The following ROBO1 variants were observed in gnomAD, a reference collection of about 807,000 sequenced individuals.
The protein encoded by ROBO1 is roundabout homolog 1.
In ROBO1, 149 loss-of-function variants were observed where a neutral mutation model predicts 195.9. That is an observed-to-expected ratio of 0.76 (90% confidence interval 0.67 to 0.87). The LOEUF is 0.87. Ranked by LOEUF, ROBO1 falls within the 40% of genes least tolerant of loss-of-function variation. The pLI is 0.00. For missense variants in ROBO1, 1,933 were observed against 2,068.3 expected, an observed-to-expected ratio of 0.93 and a Z score of 1.27; for synonymous variants, 816 against 733.2, an observed-to-expected ratio of 1.11 and a Z score of -1.82.
At chr3:79,737,204 A>T (rs1406678626) in intron 1 of ROBO1, among the ~76,000 whole-genome samples, 3 of 152,196 alleles carry the variant, frequency 2.0e-5, no homozygotes, top group Admixed American at 2.0e-4. Flanking sequence ...CTTTGAAAGC[A>T]TATGTGAGAT....
intron 1 of ROBO1, among the ~76,000 whole-genome samples, chr3:79,658,974 G>T (rs897446978): frequency 9.9e-5 from 15 of 151,578 alleles, no homozygotes; most frequent in African/African-American, 3.6e-4. Context: ...TGACATCGTG[G>T]TTCACCCACC....
chr3:78,886,686 A>G (rs370263106), intron 4 of ROBO1, among the ~76,000 whole-genome samples: 2 of 152,128 alleles, frequency 1.3e-5, no homozygotes, highest in African/African-American at 4.8e-5. Context: ...TCAATAAATT[A>G]TTATTACATA....
intron 2 of ROBO1, among the ~76,000 whole-genome samples, chr3:79,212,148 G>T (rs1478183582): frequency 6.6e-6 from 1 of 152,142 alleles, no homozygotes; most frequent in Non-Finnish European, 1.5e-5. Flanking sequence ...TGGGCCAGGT[G>T]TTCCTTGCTC....
chr3:79,482,567 C>T (rs1162532983), intron 2 of ROBO1, among the ~76,000 whole-genome samples: 2 of 152,134 alleles, frequency 1.3e-5, no homozygotes, highest in African/African-American at 4.8e-5. Context: ...TCAATTAAAC[C>T]TCTTTCCTTT....
chr3:78,648,126 GA>G (rs1344960198), intron 19 of ROBO1, among the ~76,000 whole-genome samples: 1 of 150,582 alleles, frequency 6.6e-6, no homozygotes. Context: ...AAAAAAGAGA[GA>G]AAGAAGGAAA....
chr3:79,019,435 A>C, intron 3 of ROBO1: 1 of 986,164 alleles, frequency 1.0e-6, no homozygotes, highest in Non-Finnish European at 1.2e-6. Flanking sequence ...TTCTGCTCTC[A>C]CGCTGCCTCC....
intron 26 of ROBO1, among the ~76,000 whole-genome samples, 200 bp from the exon 27 acceptor site, chr3:78,618,241 G>A (rs1442018887): frequency 2.0e-5 from 3 of 152,096 alleles, no homozygotes; most frequent in South Asian, 2.1e-4. Context: ...AGGCTCCACC[G>A]GGTTACTTTC....
chr3:78,792,759 C>T (rs1281798478), intron 4 of ROBO1, among the ~76,000 whole-genome samples: 1 of 151,902 alleles, frequency 6.6e-6, no homozygotes, highest in Non-Finnish European at 1.5e-5. Context: ...ATATTTAATC[C>T]TTATAATCAC....
At chr3:79,051,843 C>T (rs1323577363) in intron 3 of ROBO1, among the ~76,000 whole-genome samples, 1 of 152,124 alleles carries the variant, frequency 6.6e-6, no homozygotes, top group Non-Finnish European at 1.5e-5. Context: ...GGACACTGAT[C>T]ACTTCCCCAA....
At chr3:78,756,239 T>C (rs966286704) in intron 4 of ROBO1, among the ~76,000 whole-genome samples, 1 of 152,154 alleles carries the variant, frequency 6.6e-6, no homozygotes, top group African/African-American at 2.4e-5. Context: ...TCAGTTATTT[T>C]GATTGGAAAA....
intron 4 of ROBO1, among the ~76,000 whole-genome samples, chr3:78,925,756 G>A (rs2039176573): frequency 6.6e-6 from 1 of 152,146 alleles, no homozygotes; most frequent in Non-Finnish European, 1.5e-5. Context: ...TATGATAAAG[G>A]GATAGAGGGT....
At position 79,217,729 on chromosome 3, in the gene ROBO1, G is replaced by T. The variant is rs1047143029; in HGVS notation, c.89-92190C>A. 5.9e-5 allele frequency among the ~76,000 whole-genome samples: 9 copies of T among 151,754 alleles called. No homozygotes were observed. In the East Asian group the frequency reaches 1.2e-3, roughly 20 times the overall value. On this transcript the variant is annotated intron_variant, in intron 2 of 30. Transcript: ENST00000464233. ...AGAGAGTTTTGATGGATGAGGGAGG[G>T]TATCTTATTTTTATTTCTTCTGAGA...
At chr3:79,553,895 T>G (rs1164482862) in intron 2 of ROBO1, among the ~76,000 whole-genome samples, 1 of 152,050 alleles carries the variant, frequency 6.6e-6, no homozygotes, top group Non-Finnish European at 1.5e-5. Context: ...TAGTTCTTAT[T>G]CCATGTAGTT....
At chr3:79,346,999 A>AATG (rs1173304644) in intron 2 of ROBO1, among the ~76,000 whole-genome samples, 2 of 152,046 alleles carry the variant, frequency 1.3e-5, no homozygotes, top group East Asian at 1.9e-4. Context: ...TGGAGTTCAT[A>AATG]ATATGGTGAT....
At chr3:78,943,867 C>T (rs1174234004) in intron 3 of ROBO1, among the ~76,000 whole-genome samples, 1 of 152,120 alleles carries the variant, frequency 6.6e-6, no homozygotes, top group African/African-American at 2.4e-5. Context: ...TCACATTTCT[C>T]ATAATGTATA....
At chr3:78,762,197 C>CATAAGT (rs1553722606) in intron 4 of ROBO1, among the ~76,000 whole-genome samples, 1 of 151,936 alleles carries the variant, frequency 6.6e-6, no homozygotes, top group African/African-American at 2.4e-5. Context: ...ACTTTAAATG[C>CATAAGT]ATAAGTATTT....
intron 2 of ROBO1, among the ~76,000 whole-genome samples, chr3:79,528,490 T>A (rs1307531988): frequency 6.6e-6 from 1 of 152,222 alleles, no homozygotes; most frequent in Non-Finnish European, 1.5e-5. Flanking sequence ...TAAATATGCA[T>A]ACACAAATAT....
chr3:79,546,457 G>A (rs1396411674), intron 2 of ROBO1, among the ~76,000 whole-genome samples: 1 of 152,080 alleles, frequency 6.6e-6, no homozygotes, highest in African/African-American at 2.4e-5. Flanking sequence ...GAGCTGGAAC[G>A]TTAAAAAAAT....
At chr3:79,722,219 A>G (rs1702737303) in intron 1 of ROBO1, among the ~76,000 whole-genome samples, 1 of 152,222 alleles carries the variant, frequency 6.6e-6, no homozygotes, top group Non-Finnish European at 1.5e-5. Flanking sequence ...TGATACATCT[A>G]ATGGTATGTA....
Sources: allele counts gnomAD v4.1 joint callset (sites outside exome capture counted in the v4.1 genomes callset), GRCh38; gene constraint gnomAD v4.1.1; transcripts MANE v1.5; gene names NCBI Gene and HGNC (gene_info 2026-07-23, HGNC 2026-07-21).